SLC26A7: variants seen among roughly 807,000 people sequenced by gnomAD.
SLC26A7 encodes solute carrier family 26 member 7.
In SLC26A7, 59 loss-of-function variants were observed where a neutral mutation model predicts 82.5. The observed-to-expected ratio is 0.72, with a 90% confidence interval of 0.58 to 0.89. The LOEUF (loss-of-function observed/expected upper bound fraction) is 0.89. SLC26A7 is among the 40% of genes least tolerant of loss of function. The pLI is 0.00. For missense variants in SLC26A7, 820 were observed against 793.0 expected (o/e 1.03, Z -0.41); for synonymous variants, 271 against 274.3 (o/e 0.99, Z 0.12).
intron 2 of SLC26A7, among the ~76,000 whole-genome samples, chr8:91,285,106 G>T (rs567672539): frequency 2.1e-4 from 32 of 152,378 alleles, no homozygotes; most frequent in African/African-American, 7.7e-4. Flanking sequence ...TCTGTTCCAT[G>T]CCTCTTCTCT....
intron 2 of SLC26A7, among the ~76,000 whole-genome samples, chr8:91,271,907 G>A (rs1374914198): frequency 6.6e-6 from 1 of 152,100 alleles, no homozygotes; most frequent in Non-Finnish European, 1.5e-5. Flanking sequence ...AAATCTTATA[G>A]AAAGTTAGTC....
At chr8:91,305,579 G>A (rs1299457899) in intron 4 of SLC26A7, among the ~76,000 whole-genome samples, 1 of 152,138 alleles carries the variant, frequency 6.6e-6, no homozygotes, top group African/African-American at 2.4e-5. Context: ...GAGTCAAATT[G>A]TCTATCCCTA....
At chr8:91,272,866 G>A (rs1811308672) in intron 2 of SLC26A7, among the ~76,000 whole-genome samples, 1 of 152,158 alleles carries the variant, frequency 6.6e-6, no homozygotes, top group Non-Finnish European at 1.5e-5. Flanking sequence ...GAAGAGGCAA[G>A]AGGCTAGTTA....
intron 1 of SLC26A7, among the ~76,000 whole-genome samples, chr8:91,217,041 A>G (rs1350597578): frequency 6.6e-6 from 1 of 152,032 alleles, no homozygotes; most frequent in Non-Finnish European, 1.5e-5. Flanking sequence ...TATGCAGCCT[A>G]TGGTGTCTCC....
intron 2 of SLC26A7, among the ~76,000 whole-genome samples, chr8:91,253,174 C>G (rs774200772): frequency 2.0e-5 from 3 of 151,988 alleles, no homozygotes; most frequent in South Asian, 2.1e-4. Context: ...AAACAACTTG[C>G]CTAAAGTCAC....
chr8:91,279,155 ATATATATATATG>A lies in SLC26A7; in HGVS notation c.194-9977_194-9966del, dbSNP rs1307672245. Among the ~76,000 whole-genome samples, 444 of 139,156 alleles carry A rather than the reference ATATATATATATG, an allele frequency of 3.2e-3. 2 individuals are homozygous for A. Among genetic ancestry groups the A allele is most frequent in the African/African-American group, 0.011 (400 of 35,230 alleles). 91.3% of individuals were successfully genotyped at this position (139,156 alleles called of 152,430 possible). On this transcript the variant is annotated intron_variant, in intron 2 of 18. Transcript: ENST00000276609. ...TATATATATATATATATATATATATATATATATATATGTATCACATTTTAAGAAATCCAGTTA... is the reference window on the plus strand; with the variant it reads ...TATATATATATATATATATATATATATATCACATTTTAAGAAATCCAGTTA...
chr8:91,258,541 C>T (rs1810870801), intron 2 of SLC26A7, among the ~76,000 whole-genome samples: 2 of 152,122 alleles, frequency 1.3e-5, no homozygotes, highest in South Asian at 2.1e-4. Context: ...TGCCCATTGT[C>T]CTCATGGCCA....
At chr8:91,384,537 AT>A (rs1467059024) in intron 15 of SLC26A7, among the ~76,000 whole-genome samples, 1 of 152,164 alleles carries the variant, frequency 6.6e-6, no homozygotes, top group Non-Finnish European at 1.5e-5. Flanking sequence ...CTTAAGGGGC[AT>A]TATTCTGTCC....
chr8:91,292,006 A>G (rs1349112637), intron 3 of SLC26A7, among the ~76,000 whole-genome samples: 1 of 152,144 alleles, frequency 6.6e-6, no homozygotes, highest in Non-Finnish European at 1.5e-5. Flanking sequence ...TCTTTGGGTC[A>G]TTAAAAAATA....
intron 4 of SLC26A7, among the ~76,000 whole-genome samples, chr8:91,303,273 C>T (rs1446420149): frequency 1.3e-5 from 2 of 152,144 alleles, no homozygotes; most frequent in Admixed American, 6.5e-5. Flanking sequence ...TATCTTCTCC[C>T]TGTAGCTTTT....
At chr8:91,263,047 T>C (rs566592666) in intron 2 of SLC26A7, among the ~76,000 whole-genome samples, 4 of 152,198 alleles carry the variant, frequency 2.6e-5, no homozygotes, top group African/African-American at 7.2e-5. Context: ...AAACCAATTC[T>C]ATCTCAAGGT....
At chr8:91,359,294 T>C (rs1232081897) in intron 11 of SLC26A7, among the ~76,000 whole-genome samples, 2 of 152,188 alleles carry the variant, frequency 1.3e-5, no homozygotes, top group African/African-American at 2.4e-5. Flanking sequence ...GATAAGTAGA[T>C]TAAAGAGGAG....
chr8:91,281,228 A>AT (rs1811563583), intron 2 of SLC26A7, among the ~76,000 whole-genome samples: 1 of 152,244 alleles, frequency 6.6e-6, no homozygotes, highest in Non-Finnish European at 1.5e-5. Context: ...GGATTTTTAC[A>AT]TAAGAGTATC....
At chr8:91,353,820 C>G (rs911275108) in intron 11 of SLC26A7, among the ~76,000 whole-genome samples, 10 of 152,130 alleles carry the variant, frequency 6.6e-5, no homozygotes, top group African/African-American at 1.9e-4. Flanking sequence ...AAGTATAATG[C>G]TGGGCACCAT....
intron 5 of SLC26A7, among the ~76,000 whole-genome samples, chr8:91,324,762 G>T (rs1214425538): frequency 6.6e-6 from 1 of 152,164 alleles, no homozygotes; most frequent in Non-Finnish European, 1.5e-5. Context: ...GATTGAAGGT[G>T]GGTAACGTGG....
chr8:91,343,520 T>G (rs1214247761), intron 9 of SLC26A7, 54 bp downstream of exon 9: 2 of 1,241,274 alleles, frequency 1.6e-6, no homozygotes, highest in Non-Finnish European at 2.3e-6. Context: ...ACTCCCATTC[T>G]AGGAGAGTGG....
chr8:91,296,600 A>G (rs1298048176), intron 4 of SLC26A7, among the ~76,000 whole-genome samples: 2 of 152,216 alleles, frequency 1.3e-5, no homozygotes, highest in Non-Finnish European at 2.9e-5. Flanking sequence ...TCTTAGAGTT[A>G]CATTGCCTTC....
At chr8:91,393,891 C>G in intron 17 of SLC26A7, 40 bp downstream of exon 17, 1 of 1,612,850 alleles carries the variant, frequency 6.2e-7, no homozygotes, top group Non-Finnish European at 8.5e-7. Context: ...TGTGATTTTT[C>G]TGCACTTCCA....
intron 11 of SLC26A7, chr8:91,357,250 A>T (rs905626583): frequency 6.6e-6 from 1 of 152,190 alleles, no homozygotes; most frequent in Non-Finnish European, 1.5e-5. Flanking sequence ...AAAAATCTAT[A>T]CTTGATTGAG....
Sources: allele counts gnomAD v4.1 joint callset (sites outside exome capture counted in the v4.1 genomes callset), GRCh38; gene constraint gnomAD v4.1.1; transcripts MANE v1.5; gene names NCBI Gene and HGNC (gene_info 2026-07-23, HGNC 2026-07-21).